Variants in XIRP2 observed in about 807,000 individuals in gnomAD.
XIRP2 encodes xin actin-binding repeat-containing protein 2.
XIRP2 carries 236 observed loss-of-function variants against 277.0 expected under a neutral mutation model. The observed-to-expected ratio is 0.85, with a 90% CI of 0.77 to 0.95. The LOEUF is 0.95. Ranked by LOEUF, XIRP2 falls within the 40% of genes least tolerant of loss-of-function variation. XIRP2 has a pLI of 0.00. For synonymous variants in XIRP2, 1,490 were observed against 1,416.5 expected, an observed-to-expected ratio of 1.05 and a Z score of -1.17; for missense variants, 4,640 against 4,157.5, an observed-to-expected ratio of 1.12 and a Z score of -3.19.
At chr2:167,060,956 G>C (rs138357677) in intron 2 of XIRP2, among the ~76,000 whole-genome samples, 373 of 152,100 alleles carry the variant, frequency 2.5e-3, no homozygotes, top group African/African-American at 8.5e-3. Context: ...AGATCACTTT[G>C]AGAATTTACA....
rs145686493 is a variant in XIRP2, at chr2:167,000,477, G to A, written c.408+96587G>A. ...GGTAGTTAGAGCTAGGGTTAATTTG[G>A]TCAAGTTTGATTGGTTTTTGTTTTG... is the stretch of plus-strand genomic sequence containing the variant. On this transcript the variant is annotated intron_variant, in intron 2 of 10. Transcript: ENST00000409195. Among the ~76,000 whole-genome samples, 1,309 of 149,332 alleles carry A rather than the reference G, an allele frequency of 8.8e-3. 17 individuals carry two copies. Among genetic ancestry groups the A allele is most frequent in the African/African-American group, 0.03 (1,236 of 40,938 alleles).
At chr2:166,906,683 C>G (rs1684533351) in intron 2 of XIRP2, among the ~76,000 whole-genome samples, 1 of 151,990 alleles carries the variant, frequency 6.6e-6, no homozygotes, top group Non-Finnish European at 1.5e-5. Context: ...AGGCCAGGCA[C>G]AGTGGCTCAC....
chr2:167,151,762 C>G (rs1296467103), intron 3 of XIRP2, among the ~76,000 whole-genome samples: 1 of 151,600 alleles, frequency 6.6e-6, no homozygotes, highest in African/African-American at 2.4e-5. Context: ...GCTAAGAATG[C>G]AGACAATAAG....
intron 2 of XIRP2, among the ~76,000 whole-genome samples, chr2:167,013,437 T>C (rs1687736790): frequency 6.6e-6 from 1 of 151,512 alleles, no homozygotes; most frequent in African/African-American, 2.4e-5. Context: ...CTGCAGATTC[T>C]GACTCATTAG....
At chr2:166,894,180 T>A (rs1271016006) in intron 1 of XIRP2, among the ~76,000 whole-genome samples, 1 of 152,164 alleles carries the variant, frequency 6.6e-6, no homozygotes, top group Non-Finnish European at 1.5e-5. Flanking sequence ...ATTCTTACAA[T>A]GACAGAGATC....
At chr2:167,069,445 G>C (rs1164147371) in intron 2 of XIRP2, among the ~76,000 whole-genome samples, 1 of 152,074 alleles carries the variant, frequency 6.6e-6, no homozygotes, top group Non-Finnish European at 1.5e-5. Context: ...CACAAATATA[G>C]CATAATCTGC....
chr2:167,128,173 G>A (rs549664607), intron 2 of XIRP2, among the ~76,000 whole-genome samples: 3 of 152,116 alleles, frequency 2.0e-5, no homozygotes, highest in South Asian at 2.1e-4. Context: ...CTACTTTGAC[G>A]CCTAAATATT....
At chr2:167,214,083 G>A (rs868255477) in intron 4 of XIRP2, among the ~76,000 whole-genome samples, 16 of 90,150 alleles carry the variant, frequency 1.8e-4, no homozygotes, top group East Asian at 5.7e-4. Flanking sequence ...AGGAAGGAAG[G>A]AAGAAAGAAA....
At chr2:166,957,913 G>T (rs1324185954) in intron 2 of XIRP2, among the ~76,000 whole-genome samples, 1 of 151,670 alleles carries the variant, frequency 6.6e-6, no homozygotes, top group South Asian at 2.1e-4. Flanking sequence ...TTGAAACTTT[G>T]TTAGGAACTT....
chr2:167,158,075 C>A lies in XIRP2; in HGVS notation c.562+22013C>A, dbSNP rs543527181. Among the ~76,000 whole-genome samples the A allele has an allele frequency of 6.6e-5, 10 of 152,288 alleles. No individual in the cohort carries two copies. The South Asian group carries it at 1.9e-3, about 28-fold the overall frequency. On this transcript the variant is annotated intron_variant, in intron 3 of 10. Coordinates refer to ENST00000409195, the MANE Select transcript of XIRP2 (RefSeq NM_152381.6). Reference sequence around the variant, plus strand: ...AAACAGAGTTTGCCATCAGAACTTACATTTTGCACTTAAAGATAACAAAAG... The same window carrying A: ...AAACAGAGTTTGCCATCAGAACTTAAATTTTGCACTTAAAGATAACAAAAG...
chr2:167,129,600 G>A (rs911078408), intron 2 of XIRP2, among the ~76,000 whole-genome samples: 1 of 152,142 alleles, frequency 6.6e-6, no homozygotes, highest in African/African-American at 2.4e-5. Context: ...AAGTAAGAAA[G>A]AAAAATTATC....
At chr2:167,043,002 T>C (rs79281815) in intron 2 of XIRP2, among the ~76,000 whole-genome samples, 2,498 of 152,174 alleles carry the variant, frequency 0.016, 26 homozygotes, top group African/African-American at 0.025. Context: ...CACAGTGCAA[T>C]AAACATAGAA....
At chr2:167,059,091 T>A (rs924516958) in intron 2 of XIRP2, among the ~76,000 whole-genome samples, 1 of 147,586 alleles carries the variant, frequency 6.8e-6, no homozygotes, top group African/African-American at 2.5e-5. Context: ...AGGATTTAAC[T>A]TTTTTTTCTC....
chr2:166,909,765 G>A (rs529483561), intron 2 of XIRP2, among the ~76,000 whole-genome samples: 1 of 152,250 alleles, frequency 6.6e-6, no homozygotes, highest in South Asian at 2.1e-4. Flanking sequence ...GTCATAAATA[G>A]CTCTTATTAT....
intron 2 of XIRP2, among the ~76,000 whole-genome samples, chr2:167,001,027 C>T (rs1687353532): frequency 6.6e-6 from 1 of 152,060 alleles, no homozygotes; most frequent in African/African-American, 2.4e-5. Context: ...CCCTTCACTT[C>T]AGCCTCCATT....
At chr2:167,083,990 G>A (rs989778070) in intron 2 of XIRP2, among the ~76,000 whole-genome samples, 26 of 151,286 alleles carry the variant, frequency 1.7e-4, no homozygotes, top group African/African-American at 6.0e-4. Context: ...GAATAGGAGT[G>A]GTGAGAGAGG....
intron 2 of XIRP2, among the ~76,000 whole-genome samples, chr2:166,952,973 T>G (rs1399551925): frequency 6.6e-6 from 1 of 152,020 alleles, no homozygotes; most frequent in Non-Finnish European, 1.5e-5. Context: ...GCTTAGGCAT[T>G]TCATATACAA....
intron 2 of XIRP2, among the ~76,000 whole-genome samples, chr2:167,097,197 C>G (rs1267157173): frequency 6.6e-6 from 1 of 152,112 alleles, no homozygotes; most frequent in African/African-American, 2.4e-5. Flanking sequence ...TTTGTAGTCT[C>G]TAAGAACTTG....
At chr2:167,167,750 T>C (rs550396404) in intron 3 of XIRP2, among the ~76,000 whole-genome samples, 2 of 152,298 alleles carry the variant, frequency 1.3e-5, no homozygotes, top group East Asian at 3.9e-4. Context: ...ATTGCTATTA[T>C]TATTTTGAAT....
Sources: gnomAD v4.1 joint callset for allele counts (sites outside exome capture counted in the v4.1 genomes callset) on GRCh38, gnomAD v4.1.1 for gene constraint, MANE v1.5 for transcripts, NCBI Gene and HGNC (gene_info 2026-07-23, HGNC 2026-07-21) for gene names.